ATG10: variants seen among roughly 807,000 people sequenced by gnomAD.
ATG10 encodes autophagy related 10.
A neutral mutation model predicts 32.1 loss-of-function variants in ATG10; 30 were observed. The ratio of observed to expected loss-of-function variants is 0.94; its 90% CI spans 0.70 to 1.27. The LOEUF (loss-of-function observed/expected upper bound fraction) is 1.27, where lower values mean the gene tolerates loss of function less well. Among genes scored for constraint, ATG10 ranks in the 50% most tolerant of loss-of-function variants. The pLI, the probability that ATG10 is intolerant of heterozygous loss-of-function variation, is 0.00. For synonymous variants in ATG10, 87 were observed against 91.5 expected, an observed-to-expected ratio of 0.95 and a Z score of 0.28; for missense variants, 233 against 262.3, an observed-to-expected ratio of 0.89 and a Z score of 0.77.
intron 2 of ATG10, among the ~76,000 whole-genome samples, chr5:82,012,972 T>G (rs1384738105): frequency 6.6e-6 from 1 of 151,590 alleles, no homozygotes; most frequent in Admixed American, 6.6e-5. Flanking sequence ...TTCTTTTTTT[T>G]TTTTTTTTGA....
At chr5:81,989,261 T>C (rs1454150148) in intron 2 of ATG10, among the ~76,000 whole-genome samples, 1 of 152,236 alleles carries the variant, frequency 6.6e-6, no homozygotes, top group Non-Finnish European at 1.5e-5. Context: ...ATGTTTCCTG[T>C]ATGCACTCTG....
chr5:82,203,765 T>G (rs893298050), intron 5 of ATG10, among the ~76,000 whole-genome samples: 1 of 152,140 alleles, frequency 6.6e-6, no homozygotes, highest in African/African-American at 2.4e-5. Flanking sequence ...GACATTCTGC[T>G]CCAATCTTAA....
intron 2 of ATG10, among the ~76,000 whole-genome samples, chr5:82,030,779 T>G (rs564447581): frequency 2.0e-3 from 298 of 152,324 alleles, no homozygotes; most frequent in Non-Finnish European, 3.5e-3. Flanking sequence ...GCCTGTCACA[T>G]TTGGGCTCTT....
chr5:82,042,772 T>G (rs201608220), intron 2 of ATG10, among the ~76,000 whole-genome samples: 1 of 152,176 alleles, frequency 6.6e-6, no homozygotes, highest in African/African-American at 2.4e-5. Flanking sequence ...ATAATCTCCT[T>G]TGACTCCATG....
intron 3 of ATG10, among the ~76,000 whole-genome samples, chr5:82,158,652 G>A (rs886557960): frequency 3.3e-5 from 5 of 151,970 alleles, no homozygotes; most frequent in African/African-American, 1.2e-4. Context: ...GGGTGGGGGG[G>A]TTCTGGAGCC....
intron 2 of ATG10, among the ~76,000 whole-genome samples, chr5:82,039,691 T>C (rs1340504805): frequency 6.6e-6 from 1 of 152,222 alleles, no homozygotes; most frequent in East Asian, 1.9e-4. Flanking sequence ...AACACCCAAG[T>C]GTATTGCAAA....
intron 2 of ATG10, among the ~76,000 whole-genome samples, chr5:82,010,830 T>C (rs138491043): frequency 1.1e-3 from 168 of 152,334 alleles, no homozygotes; most frequent in African/African-American, 3.9e-3. Context: ...TTGTGCACTA[T>C]AGCAGCAATT....
intron 3 of ATG10, among the ~76,000 whole-genome samples, chr5:82,109,260 G>A (rs577369826): frequency 7.9e-5 from 12 of 152,136 alleles, no homozygotes; most frequent in Middle Eastern, 3.4e-3. Context: ...GGGTGCCATC[G>A]CAGAATCAAC....
At chr5:82,183,637 G>A (rs1474294388) in intron 5 of ATG10, among the ~76,000 whole-genome samples, 2 of 152,180 alleles carry the variant, frequency 1.3e-5, no homozygotes, top group East Asian at 3.9e-4. Context: ...GTGATTGCAA[G>A]ATGGTGATGT....
chr5:82,080,920 G>A (rs1764455219), intron 3 of ATG10, among the ~76,000 whole-genome samples: 1 of 152,132 alleles, frequency 6.6e-6, no homozygotes, highest in Non-Finnish European at 1.5e-5. Context: ...TAGCTTGATG[G>A]GGATGGCACT....
intron 5 of ATG10, among the ~76,000 whole-genome samples, chr5:82,200,463 C>CTTTTTTTTTTT (rs764388608): frequency 1.9e-5 from 1 of 52,556 alleles, no homozygotes; most frequent in East Asian, 5.3e-4. Flanking sequence ...TCCCTAACTT[C>CTTTTTTTTTTT]TTTTTTTTTT....
intron 5 of ATG10, among the ~76,000 whole-genome samples, chr5:82,210,328 A>G (rs772243746): frequency 5.9e-5 from 9 of 152,200 alleles, no homozygotes; most frequent in Non-Finnish European, 1.3e-4. Flanking sequence ...TAGGGGCACT[A>G]GCAATTTCTG....
At chr5:81,994,856 G>A (rs1302499807) in intron 2 of ATG10, among the ~76,000 whole-genome samples, 1 of 152,124 alleles carries the variant, frequency 6.6e-6, no homozygotes, top group Non-Finnish European at 1.5e-5. Flanking sequence ...CATGGTCAGT[G>A]CATGTTTGTC....
At chr5:82,077,504 A>G (rs956921303) in intron 3 of ATG10, among the ~76,000 whole-genome samples, 2 of 152,166 alleles carry the variant, frequency 1.3e-5, no homozygotes, top group African/African-American at 4.8e-5. Flanking sequence ...AGTATCCATT[A>G]CTTTATAAGT....
At chr5:82,042,223 C>A (rs1369232353) in intron 2 of ATG10, among the ~76,000 whole-genome samples, 1 of 152,154 alleles carries the variant, frequency 6.6e-6, no homozygotes, top group Non-Finnish European at 1.5e-5. Flanking sequence ...GGGAAGCATG[C>A]ACATCTTCAC....
At chr5:82,028,780 T>C (rs1762663342) in intron 2 of ATG10, among the ~76,000 whole-genome samples, 1 of 152,236 alleles carries the variant, frequency 6.6e-6, no homozygotes, top group Non-Finnish European at 1.5e-5. Context: ...TGAAAGGTAG[T>C]TCTTGGCTTG....
At chr5:82,172,730 G>A (rs769482568) in intron 4 of ATG10, among the ~76,000 whole-genome samples, 1 of 152,054 alleles carries the variant, frequency 6.6e-6, no homozygotes. Context: ...ATTAATTGAT[G>A]TTATATGCAA....
At chr5:82,112,002 A>C (rs1331996344) in intron 3 of ATG10, among the ~76,000 whole-genome samples, 1 of 151,650 alleles carries the variant, frequency 6.6e-6, no homozygotes, top group Non-Finnish European at 1.5e-5. Context: ...AGAAGAGAAA[A>C]CTCCTACTCA....
At chr5:82,066,792 T>G (rs1441834819) in intron 3 of ATG10, among the ~76,000 whole-genome samples, 1 of 152,036 alleles carries the variant, frequency 6.6e-6, no homozygotes, top group Non-Finnish European at 1.5e-5. Context: ...CAAAATAGAC[T>G]CATATGTCAG....
Sources: gnomAD v4.1 joint callset for allele counts (sites outside exome capture counted in the v4.1 genomes callset) on GRCh38, gnomAD v4.1.1 for gene constraint, MANE v1.5 for transcripts, NCBI Gene and HGNC (gene_info 2026-07-23, HGNC 2026-07-21) for gene names.